Variants in CYBRD1 observed in about 807,000 individuals in gnomAD.
The protein encoded by CYBRD1 is plasma membrane ascorbate-dependent reductase CYBRD1.
A neutral mutation model predicts 21.9 loss-of-function variants in CYBRD1; 14 were observed. The observed-to-expected ratio is 0.64, with a 90% CI of 0.42 to 1.00. The LOEUF (loss-of-function observed/expected upper bound fraction) is 1.00. Ranked by LOEUF, CYBRD1 falls within the 50% of genes least tolerant of loss-of-function variation. CYBRD1 has a pLI of 0.00. For synonymous variants in CYBRD1, 146 were observed against 136.5 expected, an observed-to-expected ratio of 1.07 and a Z score of -0.48; for missense variants, 328 against 352.5, an observed-to-expected ratio of 0.93 and a Z score of 0.56.
chr2:171,542,857 G>A (rs909442787), intron 2 of CYBRD1, among the ~76,000 whole-genome samples: 1 of 151,896 alleles, frequency 6.6e-6, no homozygotes, highest in Non-Finnish European at 1.5e-5. Context: ...CTCCAGCCTG[G>A]GCAACAGAGC....
At chr2:171,534,970 G>T (rs1299024459) in intron 1 of CYBRD1, among the ~76,000 whole-genome samples, 2 of 152,154 alleles carry the variant, frequency 1.3e-5, no homozygotes, top group African/African-American at 2.4e-5. Flanking sequence ...GAGCCCAGGA[G>T]GCAGAAGTTG....
At chr2:171,547,635 A>G (rs932727280) in intron 2 of CYBRD1, among the ~76,000 whole-genome samples, 10 of 152,104 alleles carry the variant, frequency 6.6e-5, no homozygotes, top group Non-Finnish European at 1.5e-4. Context: ...GTAATTGAAG[A>G]AAAGAATTGT....
At chr2:171,548,203 G>T (rs1192829684) in intron 2 of CYBRD1, among the ~76,000 whole-genome samples, 2 of 152,056 alleles carry the variant, frequency 1.3e-5, no homozygotes, top group Non-Finnish European at 2.9e-5. Flanking sequence ...CTAAGACAGC[G>T]TTTGGTCCCT....
Position 171,555,291 on chromosome 2 carries a change from C to CCACCGAGA in CYBRD1, c.*464_*465insCACCGAGA. On this transcript the variant is annotated 3_prime_UTR_variant, in exon 4 of 4. Transcript: ENST00000321348. ...ATCTGGGACAGGGTTTAGATCATGA[C>CCACCGAGA]TCTACACAGATACCATGATGAGAGT... is the stretch of plus-strand genomic sequence containing the variant. 1 of 187,884 alleles carries CCACCGAGA rather than the reference C, an allele frequency of 5.3e-6. No homozygotes were observed. Among genetic ancestry groups the CCACCGAGA allele is most frequent in the Admixed American group, 5.5e-5 (1 of 18,200 alleles). 11.6% of individuals were successfully genotyped at this position (187,884 alleles called of 1,614,324 possible).
In CYBRD1 at chr2:171,556,430, C is replaced by T. The variant is rs1211506908; in HGVS notation, c.*1603C>T. The T allele has an allele frequency of 1.3e-5, 2 of 152,120 alleles. No individual in the cohort carries two copies. The highest frequency in any genetic ancestry group is 2.1e-4 in the South Asian group (1 of 4,822). The allele number at this position is 152,120 out of a possible 1,614,324, so 9.4% of individuals were successfully genotyped here. ...TGACAAATTAAAACCTAGAGTAGTG[C>T]TTATGCTGAAATGATACTTTTCATT... On this transcript the variant is annotated 3_prime_UTR_variant, in exon 4 of 4. Transcript: ENST00000321348.
intron 1 of CYBRD1, among the ~76,000 whole-genome samples, chr2:171,526,940 C>T (rs1697394629): frequency 6.6e-6 from 1 of 152,122 alleles, no homozygotes; most frequent in South Asian, 2.1e-4. Context: ...AATATAACTA[C>T]CTTTAAGTAA....
chr2:171,550,088 CTTTTTAT>C (rs1015917492), intron 2 of CYBRD1, among the ~76,000 whole-genome samples: 3 of 152,080 alleles, frequency 2.0e-5, no homozygotes, highest in African/African-American at 7.2e-5. Context: ...GCCCAGGCAT[CTTTTTAT>C]TTTTTATTTT....
intron 2 of CYBRD1, among the ~76,000 whole-genome samples, chr2:171,545,313 T>C (rs1250630170): frequency 6.6e-6 from 1 of 152,030 alleles, no homozygotes; most frequent in African/African-American, 2.4e-5. Context: ...TTTTTCTTCT[T>C]AAATCATAAA....
chr2:171,532,030 A>G (rs940891483), intron 1 of CYBRD1, among the ~76,000 whole-genome samples: 10 of 152,212 alleles, frequency 6.6e-5, no homozygotes, highest in Non-Finnish European at 1.0e-4. Flanking sequence ...GTTTCATGAC[A>G]TTCGTGCTGT....
At chr2:171,536,623 C>T (rs894213957) in intron 1 of CYBRD1, among the ~76,000 whole-genome samples, 1 of 152,014 alleles carries the variant, frequency 6.6e-6, no homozygotes, top group Non-Finnish European at 1.5e-5. Context: ...TTAGCAGAGA[C>T]AGAGTTTCAC....
intron 3 of CYBRD1, 116 bp downstream of exon 3, chr2:171,553,616 A>G: frequency 1.0e-6 from 1 of 952,512 alleles, no homozygotes; most frequent in Non-Finnish European, 1.4e-6. Flanking sequence ...AAATTAAAAA[A>G]TATTTTAAAG....
intron 1 of CYBRD1, among the ~76,000 whole-genome samples, chr2:171,540,245 C>T (rs182647915): frequency 1.4e-3 from 214 of 152,288 alleles, no homozygotes; most frequent in African/African-American, 4.7e-3. Context: ...GGTTTCTATA[C>T]TTCATATAAA....
At chr2:171,542,712 C>T (rs1697652879) in intron 2 of CYBRD1, among the ~76,000 whole-genome samples, 1 of 152,128 alleles carries the variant, frequency 6.6e-6, no homozygotes. Flanking sequence ...AACCTCATCT[C>T]TAAAACAAAA....
At chr2:171,528,142 A>G (rs1697410937) in intron 1 of CYBRD1, among the ~76,000 whole-genome samples, 1 of 151,788 alleles carries the variant, frequency 6.6e-6, no homozygotes, top group South Asian at 2.1e-4. Context: ...CTGGAGTGCA[A>G]TGGTGTGATT....
Position 171,557,700 on chromosome 2 carries a change from T to C in CYBRD1, c.*2873T>C, listed in dbSNP as rs1294264277. On this transcript the variant is annotated 3_prime_UTR_variant, in exon 4 of 4. Transcript: ENST00000321348. ...AGGGATATCGACAAGCAGTTTCTGT[T>C]TTCTAAAGGACAAAATACAGAGTGT... 2 of 152,212 alleles carry C rather than the reference T, an allele frequency of 1.3e-5. No homozygotes were observed. The highest frequency in any genetic ancestry group is 6.6e-5 in the Admixed American group (1 of 15,266). The allele number at this position is 152,212 out of a possible 1,614,324, so 9.4% of individuals were successfully genotyped here. A position where few individuals can be genotyped will look rare whatever the true frequency, so the allele number is the denominator to read the frequency against.
intron 2 of CYBRD1, among the ~76,000 whole-genome samples, chr2:171,543,592 AC>A (rs1439802651): frequency 6.6e-6 from 1 of 152,168 alleles, no homozygotes; most frequent in Non-Finnish European, 1.5e-5. Flanking sequence ...TTAATCACAT[AC>A]TGTGAATCAA....
chr2:171,524,560 G>T (rs16859447), intron 1 of CYBRD1, among the ~76,000 whole-genome samples: 5,915 of 152,298 alleles, frequency 0.039, 370 homozygotes, highest in African/African-American at 0.13. Context: ...ATGGCTAATA[G>T]TGATTGCATG....
In CYBRD1 at chr2:171,555,123, A is replaced by C; in HGVS notation, c.*296A>C. 1 of 399,322 alleles carries C rather than the reference A, an allele frequency of 2.5e-6. No individual in the cohort carries two copies. The highest frequency in any genetic ancestry group is 2.5e-5 in the South Asian group (1 of 39,260). The allele number at this position is 399,322 out of a possible 1,614,324, so 24.7% of individuals were successfully genotyped here. A position where few individuals can be genotyped will look rare whatever the true frequency, so the allele number is the denominator to read the frequency against. Reference sequence around the variant, plus strand: ...TGCAGAATAGATACTCAATATGTGAATATGTGTCTACTAGTAGTTAATTGG... The same window carrying C: ...TGCAGAATAGATACTCAATATGTGACTATGTGTCTACTAGTAGTTAATTGG... On this transcript the variant is annotated 3_prime_UTR_variant, in exon 4 of 4. Transcript: ENST00000321348.
intron 3 of CYBRD1, among the ~76,000 whole-genome samples, chr2:171,553,897 C>G (rs1683435303): frequency 1.3e-5 from 2 of 152,078 alleles, no homozygotes; most frequent in Non-Finnish European, 2.9e-5. Flanking sequence ...AACACACAAA[C>G]AAAGCAAGTA....
Sources: allele counts gnomAD v4.1 joint callset (sites outside exome capture counted in the v4.1 genomes callset), GRCh38; gene constraint gnomAD v4.1.1; transcripts MANE v1.5; gene names NCBI Gene and HGNC (gene_info 2026-07-23, HGNC 2026-07-21).